Variants in TTC39B observed in about 807,000 individuals in gnomAD.
TTC39B encodes tetratricopeptide repeat protein 39B.
In TTC39B, 92 loss-of-function variants were observed where a neutral mutation model predicts 96.6. The ratio of observed to expected loss-of-function variants is 0.95; its 90% CI spans 0.80 to 1.13. The LOEUF (loss-of-function observed/expected upper bound fraction) is 1.13. Among genes scored for constraint, TTC39B ranks in the 50% most tolerant of loss-of-function variants. The pLI, the probability that TTC39B is intolerant of heterozygous loss-of-function variation, is 0.00. For missense variants in TTC39B, 955 were observed against 809.3 expected (o/e 1.18, Z -2.18); for synonymous variants, 367 against 299.4 (o/e 1.23, Z -2.33).
At chr9:15,219,941 A>G (rs1406714062) in intron 3 of TTC39B, among the ~76,000 whole-genome samples, 1 of 152,146 alleles carries the variant, frequency 6.6e-6, no homozygotes. Flanking sequence ...CCATTTTTCC[A>G]CGCATCTAAG....
chr9:15,289,423 C>G (rs776778954), intron 1 of TTC39B, among the ~76,000 whole-genome samples: 2 of 152,186 alleles, frequency 1.3e-5, no homozygotes, highest in Non-Finnish European at 2.9e-5. Flanking sequence ...TTAAAGTATG[C>G]CAGGCACTGA....
At chr9:15,184,727 G>T (rs1818428412) in intron 16 of TTC39B, among the ~76,000 whole-genome samples, 1 of 152,168 alleles carries the variant, frequency 6.6e-6, no homozygotes, top group Non-Finnish European at 1.5e-5. Context: ...AAACTAAGAT[G>T]TCCTCTAAGT....
At position 15,250,209 on chromosome 9, in the gene TTC39B, G is replaced by A. The variant is rs190682446; in HGVS notation, c.275+17705C>T. On this transcript the variant is annotated intron_variant, in intron 2 of 19. Transcript: ENST00000512701. Reference sequence around the variant, plus strand: ...TGGCAGCTACACTCACTGCTGTAGCGGATGCTTCTGCAGGAAGGGATGCCG... The same window carrying A: ...TGGCAGCTACACTCACTGCTGTAGCAGATGCTTCTGCAGGAAGGGATGCCG... 2,693 of 1,127,208 alleles carry A rather than the reference G, an allele frequency of 2.4e-3. 5 individuals are homozygous for A. The highest frequency in any genetic ancestry group is 2.7e-3 in the Non-Finnish European group (2,453 of 911,334). 69.8% of individuals were successfully genotyped at this position (1,127,208 alleles called of 1,614,324 possible).
intron 7 of TTC39B, among the ~76,000 whole-genome samples, chr9:15,201,482 G>A (rs921937998): frequency 3.9e-5 from 6 of 152,178 alleles, no homozygotes; most frequent in Non-Finnish European, 5.9e-5. Flanking sequence ...CATGCCTCCT[G>A]GAAGCATTGG....
At chr9:15,285,716 T>G (rs1002001950) in intron 1 of TTC39B, among the ~76,000 whole-genome samples, 42 of 151,700 alleles carry the variant, frequency 2.8e-4, no homozygotes, top group South Asian at 1.3e-3. Flanking sequence ...TTAGCCGGGC[T>G]TGGTGGCGGG....
chr9:15,186,371 TA>T (rs1236543465), intron 15 of TTC39B, among the ~76,000 whole-genome samples: 1 of 152,126 alleles, frequency 6.6e-6, no homozygotes, highest in Non-Finnish European at 1.5e-5. Flanking sequence ...AGTTTAAAGG[TA>T]ACAGCATCTT....
chr9:15,238,790 A>G (rs1046487369), intron 2 of TTC39B, among the ~76,000 whole-genome samples: 1 of 152,172 alleles, frequency 6.6e-6, no homozygotes, highest in Non-Finnish European at 1.5e-5. Flanking sequence ...GTTTAAGACC[A>G]GCCTGGGCAA....
intron 2 of TTC39B, among the ~76,000 whole-genome samples, chr9:15,253,210 C>A (rs781154699): frequency 9.2e-5 from 14 of 152,264 alleles, no homozygotes; most frequent in African/African-American, 2.6e-4. Context: ...TATTAGGGAT[C>A]CTGAACAGAG....
chr9:15,200,000 G>A, intron 7 of TTC39B, 75 bp from the exon 8 acceptor site: 1 of 791,754 alleles, frequency 1.3e-6, no homozygotes, highest in Non-Finnish European at 2.0e-6. Context: ...GTGTGTTTGT[G>A]TGATTAGAAA....
chr9:15,188,278 T>C (rs1818652989), intron 13 of TTC39B, 146 bp from the exon 14 acceptor site: 7 of 756,850 alleles, frequency 9.2e-6, no homozygotes, highest in Non-Finnish European at 1.2e-5. Flanking sequence ...TTCTTTTCCT[T>C]ACAGGCAATG....
intron 3 of TTC39B, among the ~76,000 whole-genome samples, chr9:15,217,555 G>C (rs563712701): frequency 6.6e-6 from 1 of 152,174 alleles, no homozygotes; most frequent in Non-Finnish European, 1.5e-5. Context: ...ATGACCAGGA[G>C]AGCAACTTTC....
intron 3 of TTC39B, among the ~76,000 whole-genome samples, chr9:15,215,152 T>C (rs1025772963): frequency 4.6e-5 from 7 of 152,058 alleles, no homozygotes; most frequent in African/African-American, 1.7e-4. Context: ...CTACAGGCAT[T>C]GCAGTGGGAG....
intron 6 of TTC39B, among the ~76,000 whole-genome samples, chr9:15,209,642 A>G (rs940136627): frequency 2.0e-5 from 3 of 152,246 alleles, no homozygotes; most frequent in Non-Finnish European, 4.4e-5. Flanking sequence ...GCATGAATCC[A>G]TATGTATAAG....
chr9:15,208,093 G>A (rs28414254), intron 6 of TTC39B, among the ~76,000 whole-genome samples: 9,978 of 150,866 alleles, frequency 0.066, 846 homozygotes, highest in African/African-American at 0.2. Flanking sequence ...GCAGTGGCGC[G>A]ATCTCGGCTC....
intron 17 of TTC39B, among the ~76,000 whole-genome samples, chr9:15,180,296 A>G (rs1200100596): frequency 2.0e-5 from 3 of 152,258 alleles, no homozygotes; most frequent in African/African-American, 2.4e-5. Context: ...TCCCTTTTAC[A>G]TAACTCTCAT....
intron 15 of TTC39B, among the ~76,000 whole-genome samples, chr9:15,186,391 G>A (rs928015994): frequency 6.6e-6 from 1 of 152,100 alleles, no homozygotes; most frequent in African/African-American, 2.4e-5. Flanking sequence ...TTTATGAAGA[G>A]ACCATTCATT....
At chr9:15,203,260 T>A (rs540376822) in intron 7 of TTC39B, among the ~76,000 whole-genome samples, 69 of 152,126 alleles carry the variant, frequency 4.5e-4, no homozygotes, top group Non-Finnish European at 7.9e-4. Context: ...AAGTTTCTTT[T>A]TTGTTTTTGA....
chr9:15,169,535 A>C (rs1043384393), exon 20 of TTC39B: 1 of 152,124 alleles, frequency 6.6e-6, no homozygotes, highest in African/African-American at 2.4e-5. Context: ...CCCCTCAAAA[A>C]ACTAGATAAA....
chr9:15,291,141 C>T (rs1043721477), intron 1 of TTC39B, among the ~76,000 whole-genome samples: 1 of 152,184 alleles, frequency 6.6e-6, no homozygotes, highest in African/African-American at 2.4e-5. Flanking sequence ...CTTGTGGAAA[C>T]ACATTGTCCA....
Sources: allele counts gnomAD v4.1 joint callset (sites outside exome capture counted in the v4.1 genomes callset), GRCh38; gene constraint gnomAD v4.1.1; transcripts MANE v1.5; gene names NCBI Gene and HGNC (gene_info 2026-07-23, HGNC 2026-07-21).